Variants in CCDC18 observed in about 807,000 individuals in gnomAD.
CCDC18 encodes the protein coiled-coil domain-containing protein 18.
A neutral mutation model predicts 196.0 loss-of-function variants in CCDC18; 157 were observed. The observed-to-expected ratio is 0.80, with a 90% CI of 0.70 to 0.91. The LOEUF is 0.91. Among genes scored for constraint, CCDC18 ranks in the 40% least tolerant of loss-of-function variants. The pLI is 0.00. For missense variants in CCDC18, 1,465 were observed against 1,611.6 expected (o/e 0.91, Z 1.56); for synonymous variants, 482 against 529.2 (o/e 0.91, Z 1.22).
At chr1:93,214,686 A>C in intron 11 of CCDC18, 57 bp from the exon 12 acceptor site, 1 of 1,205,102 alleles carries the variant, frequency 8.3e-7, no homozygotes, top group Non-Finnish European at 1.2e-6. Flanking sequence ...CAACTATTTA[A>C]GTAGGTTTTT....
intron 11 of CCDC18, among the ~76,000 whole-genome samples, chr1:93,214,066 G>C (rs1404383785): frequency 1.3e-5 from 2 of 152,102 alleles, no homozygotes; most frequent in Non-Finnish European, 2.9e-5. Flanking sequence ...AGTGGAGAAG[G>C]GGCATGGTCA....
At chr1:93,224,213 A>C (rs979971185) in intron 16 of CCDC18, among the ~76,000 whole-genome samples, 1 of 151,986 alleles carries the variant, frequency 6.6e-6, no homozygotes, top group African/African-American at 2.4e-5. Flanking sequence ...CTACACATAC[A>C]CATGCATGCA....
intron 11 of CCDC18, among the ~76,000 whole-genome samples, chr1:93,214,392 C>A (rs1405938404): frequency 1.3e-4 from 20 of 151,966 alleles, no homozygotes; most frequent in Admixed American, 1.3e-3. Flanking sequence ...TTTATGATTA[C>A]CTTCAGTTTA....
At chr1:93,277,797 C>T (rs1007669591) in intron 28 of CCDC18, among the ~76,000 whole-genome samples, 1 of 151,932 alleles carries the variant, frequency 6.6e-6, no homozygotes, top group South Asian at 2.1e-4. Flanking sequence ...TTTTAATCTT[C>T]CTTTTTCATT....
At position 93,221,685 on chromosome 1, in the gene CCDC18, T is replaced by C. The variant is rs1183539528; in HGVS notation, c.2039T>C (p.Ile680Thr). ...EKTMSMLQQD[I>T]ICKQHHLESL... ...ACTATGTCCATGTTGCAACAAGATATAATATGCAAACAACATCATCTTGAA... is the reference window on the plus strand; with the variant it reads ...ACTATGTCCATGTTGCAACAAGATACAATATGCAAACAACATCATCTTGAA... Residue 680 changes from isoleucine to threonine, a missense_variant, in exon 15 of 29, where the codon ATA becomes ACA. Ile to Thr is a moderately conservative substitution (Grantham distance 89). Transcript: ENST00000690025. 1.9e-6 allele frequency: 3 copies of C among 1,594,764 alleles called. No individual in the cohort carries two copies. The Admixed American group carries it at 5.5e-5, about 29-fold the overall frequency.
chr1:93,264,535 CT>C, intron 26 of CCDC18, 165 bp from the exon 27 acceptor site: 2 of 487,524 alleles, frequency 4.1e-6, no homozygotes. Context: ...CCTTTGTTCC[CT>C]TTTTCCTCTA....
intron 25 of CCDC18, among the ~76,000 whole-genome samples, chr1:93,257,776 A>G (rs1663210239): frequency 6.6e-6 from 1 of 152,112 alleles, no homozygotes; most frequent in South Asian, 2.1e-4. Flanking sequence ...TTTATTTGAT[A>G]AGCTAAGCTC....
intron 6 of CCDC18, among the ~76,000 whole-genome samples, chr1:93,195,548 G>A (rs900643062): frequency 3.9e-5 from 6 of 152,266 alleles, no homozygotes; most frequent in East Asian, 3.9e-4. Context: ...TAATCCCAAC[G>A]CAACACTGTT....
chr1:93,181,159 T>TA lies in CCDC18; in HGVS notation c.-3+324dup, dbSNP rs71094239. Among the ~76,000 whole-genome samples, 69 of 89,868 alleles carry TA rather than the reference T, an allele frequency of 7.7e-4. 1 individual carries two copies. The highest frequency in any genetic ancestry group is 1.4e-3 in the Admixed American group (8 of 5,594). The allele number at this position is 89,868 out of a possible 152,430, so 59.0% of individuals were successfully genotyped here. A position where few individuals can be genotyped will look rare whatever the true frequency, so the allele number is the denominator to read the frequency against. On this transcript the variant is annotated intron_variant, in intron 1 of 28. Transcript: ENST00000690025. ...TGGCGAGCCACTGTCTCTATAAAAT[T>TA]AAAAAAAAAAAAAAAAAGAGGAAAC...
intron 12 of CCDC18, 62 bp from the exon 13 acceptor site, chr1:93,216,574 C>T: frequency 2.5e-6 from 2 of 812,156 alleles, no homozygotes; most frequent in Non-Finnish European, 3.8e-6. Flanking sequence ...GGTGTTTGAT[C>T]TTAGAATGCA....
At chr1:93,276,785 AG>A (rs911900546) in intron 28 of CCDC18, among the ~76,000 whole-genome samples, 2 of 152,016 alleles carry the variant, frequency 1.3e-5, no homozygotes, top group African/African-American at 4.8e-5. Flanking sequence ...ATAATTGTGT[AG>A]GGGTGGGTTG....
chr1:93,211,297 T>G (rs1655610777), intron 10 of CCDC18, among the ~76,000 whole-genome samples: 1 of 150,712 alleles, frequency 6.6e-6, no homozygotes, highest in South Asian at 2.1e-4. Flanking sequence ...AAAAAGACCC[T>G]TAATTGAGGA....
intron 21 of CCDC18, 119 bp downstream of exon 21, chr1:93,240,015 T>C: frequency 1.4e-6 from 1 of 717,316 alleles, no homozygotes; most frequent in African/African-American, 1.8e-5. Context: ...CTTTGGCTCA[T>C]CCCAGCCAGC....
At position 93,184,213 on chromosome 1, in the gene CCDC18, T is replaced by A. The variant is rs190904068; in HGVS notation, c.303+67T>A. On this transcript the variant is annotated intron_variant, in intron 3 of 28. Coordinates refer to ENST00000690025, the MANE Select transcript of CCDC18 (RefSeq NM_001378204.1). ...TTTAGGCCTGTCTACTTAAAAAAAA[T>A]TTTTTTTAATTTTAAAATTAAATTA... The A allele has an allele frequency of 3.3e-4, 258 of 787,826 alleles. No individual in the cohort carries two copies. In the East Asian group the frequency reaches 4.3e-3, roughly 13 times the overall value. 48.8% of individuals were successfully genotyped at this position (787,826 alleles called of 1,614,324 possible). A position where few individuals can be genotyped will look rare whatever the true frequency, so the allele number is the denominator to read the frequency against.
chr1:93,198,653 A>AT (rs889151974), intron 6 of CCDC18, among the ~76,000 whole-genome samples: 5 of 151,770 alleles, frequency 3.3e-5, no homozygotes, highest in Non-Finnish European at 7.4e-5. Context: ...TATAGTCTTA[A>AT]TTTTTTTTTA....
chr1:93,258,115 A>T (rs1245883655), intron 25 of CCDC18, among the ~76,000 whole-genome samples: 2 of 150,178 alleles, frequency 1.3e-5, no homozygotes, highest in East Asian at 3.9e-4. Context: ...ATTAATTAAT[A>T]ATAATTAATT....
At chr1:93,251,536 C>A (rs67395827) in intron 23 of CCDC18, among the ~76,000 whole-genome samples, 13,463 of 152,046 alleles carry the variant, frequency 0.089, 678 homozygotes, top group African/African-American at 0.13. Context: ...TGAAGGATAA[C>A]TCTGCTTGGC....
chr1:93,216,780 T>C (rs1440136931), intron 13 of CCDC18, 34 bp downstream of exon 13: 2 of 1,117,786 alleles, frequency 1.8e-6, no homozygotes, highest in South Asian at 1.4e-5. Flanking sequence ...AAATTTACTG[T>C]GATTTTTAGG....
intron 21 of CCDC18, 99 bp downstream of exon 21, chr1:93,239,995 C>A: frequency 1.3e-6 from 1 of 765,196 alleles, no homozygotes; most frequent in Non-Finnish European, 2.1e-6. Context: ...TCTCAACTGT[C>A]TTTGGCTCAC....
Sources: allele counts gnomAD v4.1 joint callset (sites outside exome capture counted in the v4.1 genomes callset), GRCh38; gene constraint gnomAD v4.1.1; transcripts MANE v1.5; gene names NCBI Gene and HGNC (gene_info 2026-07-23, HGNC 2026-07-21).